Variants in ST18 observed in about 807,000 individuals in gnomAD.
ST18 encodes suppression of tumorigenicity 18 protein.
Under a neutral mutation model 110.0 loss-of-function variants are expected in ST18, and 50 were observed. That is an observed-to-expected ratio of 0.45 (90% confidence interval 0.36 to 0.58). The LOEUF is 0.58. ST18 is among the 20% of genes least tolerant of loss of function. The pLI is 0.00. For missense variants in ST18, 1,306 were observed against 1,280.1 expected (o/e 1.02, Z -0.31); for synonymous variants, 461 against 452.4 (o/e 1.02, Z -0.24).
At chr8:52,238,786 C>T (rs556300552) in intron 2 of ST18, among the ~76,000 whole-genome samples, 5 of 142,888 alleles carry the variant, frequency 3.5e-5, no homozygotes, top group Admixed American at 7.6e-5. Context: ...CACATGTTCT[C>T]ACTAATAAAT....
At chr8:52,309,552 C>T (rs2095870048) in intron 2 of ST18, among the ~76,000 whole-genome samples, 2 of 140,088 alleles carry the variant, frequency 1.4e-5, no homozygotes, top group Middle Eastern at 4.0e-3. Flanking sequence ...AAAGAAATCA[C>T]GTGGCTCATG....
chr8:52,134,292 G>A (rs1480227840), intron 19 of ST18, among the ~76,000 whole-genome samples: 1 of 152,096 alleles, frequency 6.6e-6, no homozygotes, highest in Non-Finnish European at 1.5e-5. Flanking sequence ...AAAGATGACA[G>A]GGAATCCAAT....
intron 9 of ST18, among the ~76,000 whole-genome samples, chr8:52,177,262 C>T (rs919688566): frequency 9.2e-5 from 14 of 152,224 alleles, no homozygotes; most frequent in African/African-American, 1.7e-4. Context: ...ATCCCCTTAA[C>T]GGCAACCTGT....
At chr8:52,166,652 T>C (rs1480495572) in intron 11 of ST18, among the ~76,000 whole-genome samples, 200 bp downstream of exon 11, 1 of 152,260 alleles carries the variant, frequency 6.6e-6, no homozygotes, top group Non-Finnish European at 1.5e-5. Flanking sequence ...GGCAATTGTC[T>C]CTTGATCTGT....
intron 3 of ST18, among the ~76,000 whole-genome samples, chr8:52,223,381 C>T (rs1438562226): frequency 1.1e-4 from 16 of 152,256 alleles, no homozygotes; most frequent in African/African-American, 3.4e-4. Flanking sequence ...TGGTGGCTCA[C>T]GCCTGTAATC....
At chr8:52,280,305 G>A (rs1252270144) in intron 2 of ST18, among the ~76,000 whole-genome samples, 1 of 151,960 alleles carries the variant, frequency 6.6e-6, no homozygotes, top group Non-Finnish European at 1.5e-5. Context: ...ATAAATGCAA[G>A]GGGACTAATC....
At chr8:52,146,674 T>C (rs1169723480) in intron 16 of ST18, among the ~76,000 whole-genome samples, 1 of 152,208 alleles carries the variant, frequency 6.6e-6, no homozygotes, top group Non-Finnish European at 1.5e-5. Context: ...TCTGATAGCT[T>C]GTCAATGAGC....
chr8:52,153,058 G>C (rs1158793512), intron 15 of ST18, among the ~76,000 whole-genome samples: 1 of 152,166 alleles, frequency 6.6e-6, no homozygotes, highest in Non-Finnish European at 1.5e-5. Context: ...GTATGTAGAA[G>C]GTAGGCTTGT....
chr8:52,128,587 T>C (rs953421763), intron 22 of ST18, among the ~76,000 whole-genome samples: 1 of 152,132 alleles, frequency 6.6e-6, no homozygotes, highest in South Asian at 2.1e-4. Flanking sequence ...ATGGATATAG[T>C]GTGTGGGTCA....
chr8:52,113,049 A>G lies in ST18; in HGVS notation c.*149T>C. The G allele has an allele frequency of 9.2e-6, 7 of 763,294 alleles. No individual in the cohort carries two copies. The highest frequency in any genetic ancestry group is 1.3e-5 in the Non-Finnish European group (7 of 534,952). The allele number at this position is 763,294 out of a possible 1,614,324, so 47.3% of individuals were successfully genotyped here. A position where few individuals can be genotyped will look rare whatever the true frequency, so the allele number is the denominator to read the frequency against. On this transcript the variant is annotated 3_prime_UTR_variant, in exon 26 of 26. Coordinates refer to ENST00000689386, the MANE Select transcript of ST18 (RefSeq NM_001352837.2). ...ATCATAGTTTTTCTTTCCTTTTTAT[A>G]TCAGCTGGGGAAAATAAAATTAGTG...
At chr8:52,302,289 C>T (rs1421002505) in intron 2 of ST18, among the ~76,000 whole-genome samples, 1 of 152,162 alleles carries the variant, frequency 6.6e-6, no homozygotes, top group Non-Finnish European at 1.5e-5. Flanking sequence ...TAAACTAAAC[C>T]TTCAGGTGCT....
At chr8:52,327,113 A>G (rs1484866504) in intron 2 of ST18, among the ~76,000 whole-genome samples, 1 of 152,190 alleles carries the variant, frequency 6.6e-6, no homozygotes, top group African/African-American at 2.4e-5. Flanking sequence ...AAGGATGTAA[A>G]AGCAAAAGTG....
intron 2 of ST18, among the ~76,000 whole-genome samples, chr8:52,246,292 A>G (rs1245156266): frequency 6.6e-6 from 1 of 152,068 alleles, no homozygotes; most frequent in African/African-American, 2.4e-5. Flanking sequence ...AAAAGAAACA[A>G]TCTAAGCCAA....
chr8:52,191,676 G>C (rs958794222), intron 8 of ST18, among the ~76,000 whole-genome samples: 1 of 152,194 alleles, frequency 6.6e-6, no homozygotes, highest in African/African-American at 2.4e-5. Flanking sequence ...CAACTTAAGG[G>C]TGAGTCTGAG....
intron 2 of ST18, among the ~76,000 whole-genome samples, chr8:52,247,026 A>C (rs553958063): frequency 6.6e-6 from 1 of 152,280 alleles, no homozygotes; most frequent in Admixed American, 6.5e-5. Context: ...ACTCATATGC[A>C]CTTAGGATGA....
At chr8:52,248,494 C>A (rs1564309730) in intron 2 of ST18, 1 of 152,182 alleles carries the variant, frequency 6.6e-6, no homozygotes, top group Non-Finnish European at 1.5e-5. Flanking sequence ...TGTCTTGTAA[C>A]AATATCATCC....
intron 2 of ST18, among the ~76,000 whole-genome samples, chr8:52,233,762 G>A (rs1048067876): frequency 1.1e-4 from 16 of 152,170 alleles, no homozygotes; most frequent in African/African-American, 3.9e-4. Flanking sequence ...TGTCTCATTA[G>A]CTGTGGCAAA....
At chr8:52,346,276 G>A (rs1012472670) in intron 2 of ST18, among the ~76,000 whole-genome samples, 33 of 151,050 alleles carry the variant, frequency 2.2e-4, no homozygotes, top group Non-Finnish European at 4.1e-4. Flanking sequence ...AATTTGAAGA[G>A]AAGCCCTAAA....
At chr8:52,200,900 T>A (rs1167326609) in intron 8 of ST18, among the ~76,000 whole-genome samples, 1 of 152,158 alleles carries the variant, frequency 6.6e-6, no homozygotes, top group East Asian at 1.9e-4. Flanking sequence ...TGAATACTCC[T>A]CAGGGATCCA....
Sources: allele counts gnomAD v4.1 joint callset (sites outside exome capture counted in the v4.1 genomes callset), GRCh38; gene constraint gnomAD v4.1.1; transcripts MANE v1.5; gene names NCBI Gene and HGNC (gene_info 2026-07-23, HGNC 2026-07-21).